RGSL1: variants seen among roughly 807,000 people sequenced by gnomAD.
The protein encoded by RGSL1 is regulator of G protein signaling like 1.
In RGSL1, 97 loss-of-function variants were observed where a neutral mutation model predicts 124.7. That is an observed-to-expected ratio of 0.78 (90% CI 0.66 to 0.92). The LOEUF (loss-of-function observed/expected upper bound fraction) is 0.92, where lower values mean the gene tolerates loss of function less well. RGSL1 is among the 40% of genes least tolerant of loss of function. RGSL1 has a pLI of 0.00. For missense variants in RGSL1, 1,233 were observed against 1,288.4 expected, an observed-to-expected ratio of 0.96 and a Z score of 0.66; for synonymous variants, 424 against 438.1, an observed-to-expected ratio of 0.97 and a Z score of 0.40.
At chr1:182,481,234 AATAAATAAAATT>A (rs1654683524) in intron 6 of RGSL1, among the ~76,000 whole-genome samples, 1 of 152,168 alleles carries the variant, frequency 6.6e-6, no homozygotes, top group Non-Finnish European at 1.5e-5. Context: ...AGAAGTTTCA[AATAAATAAAATT>A]ATAAATGAAA....
intron 14 of RGSL1, among the ~76,000 whole-genome samples, chr1:182,535,373 G>A (rs1049823303): frequency 3.3e-5 from 5 of 152,192 alleles, no homozygotes; most frequent in African/African-American, 9.7e-5. Context: ...CAGAGTGTGT[G>A]TGTGTTTGGT....
intron 9 of RGSL1, among the ~76,000 whole-genome samples, chr1:182,501,806 G>T (rs1287412032): frequency 6.6e-6 from 1 of 152,042 alleles, no homozygotes; most frequent in Non-Finnish European, 1.5e-5. Context: ...CAATATTTTG[G>T]CCGAGTTTAA....
intron 14 of RGSL1, among the ~76,000 whole-genome samples, chr1:182,536,318 T>C (rs1659535495): frequency 1.3e-5 from 2 of 152,170 alleles, no homozygotes; most frequent in African/African-American, 2.4e-5. Flanking sequence ...TATCTGAAAG[T>C]AGAAATGCTG....
At chr1:182,456,758 C>T (rs372064181) in intron 2 of RGSL1, among the ~76,000 whole-genome samples, 22 of 152,196 alleles carry the variant, frequency 1.4e-4, no homozygotes, top group Non-Finnish European at 2.5e-4. Context: ...TAAAGAGAGA[C>T]AGCAGTAGTA....
chr1:182,455,175 A>G (rs762306646), intron 2 of RGSL1, among the ~76,000 whole-genome samples: 1 of 152,224 alleles, frequency 6.6e-6, no homozygotes, highest in Non-Finnish European at 1.5e-5. Context: ...AGACAGAGAG[A>G]TCATCCCTAC....
At chr1:182,501,007 G>T (rs1656313606) in intron 9 of RGSL1, among the ~76,000 whole-genome samples, 1 of 151,988 alleles carries the variant, frequency 6.6e-6, no homozygotes, top group South Asian at 2.1e-4. Flanking sequence ...AAGTGCTCTG[G>T]CTAGAACTTC....
intron 9 of RGSL1, among the ~76,000 whole-genome samples, chr1:182,511,930 AT>A (rs1466023784): frequency 6.6e-6 from 1 of 151,552 alleles, no homozygotes; most frequent in Non-Finnish European, 1.5e-5. Context: ...GCGTTTTGTA[AT>A]TTTTCTTGTA....
chr1:182,556,311 A>G (rs914905509), intron 21 of RGSL1, 89 bp downstream of exon 21: 5 of 444,318 alleles, frequency 1.1e-5, no homozygotes, highest in African/African-American at 9.9e-5. Context: ...CTTGCTCCAC[A>G]TCTTCCTGGC....
intron 9 of RGSL1, among the ~76,000 whole-genome samples, chr1:182,509,489 G>T (rs1264073830): frequency 1.2e-4 from 9 of 76,914 alleles, no homozygotes; most frequent in South Asian, 4.4e-4. Context: ...CCAGGCGGGG[G>T]GCTGACCCCC....
At chr1:182,469,758 C>T (rs766655779) in intron 4 of RGSL1, among the ~76,000 whole-genome samples, 22 of 152,072 alleles carry the variant, frequency 1.4e-4, no homozygotes, top group Non-Finnish European at 1.3e-4. Flanking sequence ...TCCAAGAAAC[C>T]ATCAATGGAT....
At chr1:182,496,904 T>C (rs150418517) in intron 9 of RGSL1, among the ~76,000 whole-genome samples, 3 of 152,000 alleles carry the variant, frequency 2.0e-5, no homozygotes, top group East Asian at 3.9e-4. Flanking sequence ...TTTACTGATA[T>C]AGTGGACCCT....
intron 9 of RGSL1, among the ~76,000 whole-genome samples, chr1:182,502,154 T>A (rs1656436537): frequency 6.6e-6 from 1 of 152,220 alleles, no homozygotes; most frequent in African/African-American, 2.4e-5. Flanking sequence ...GTTTGCCAAT[T>A]TTGTTATCTT....
At chr1:182,514,824 T>A (rs979783562) in intron 9 of RGSL1, among the ~76,000 whole-genome samples, 6 of 152,198 alleles carry the variant, frequency 3.9e-5, no homozygotes, top group African/African-American at 9.7e-5. Flanking sequence ...CAATCCTTCA[T>A]AATTTGGTGA....
At chr1:182,518,617 A>C (rs1174419593) in intron 9 of RGSL1, among the ~76,000 whole-genome samples, 1 of 152,178 alleles carries the variant, frequency 6.6e-6, no homozygotes, top group Non-Finnish European at 1.5e-5. Flanking sequence ...AGAAAACCCA[A>C]GATGGTGGAG....
rs763808108 is a variant in RGSL1, at chr1:182,540,232, T to C, written c.2495-15T>C. 44 of 1,529,676 alleles carry C rather than the reference T, an allele frequency of 2.9e-5. No homozygotes were observed. In the African/African-American group the frequency reaches 4.6e-4, roughly 16 times the overall value. The allele number at this position is 1,529,676 out of a possible 1,614,324, so 94.8% of individuals were successfully genotyped here. A position where few individuals can be genotyped will look rare whatever the true frequency, so the allele number is the denominator to read the frequency against. ...GATCAAACAAAATTGTAATTCCTTCTTCTTTCTCTCTCAGATTTCACCACA... is the reference window on the plus strand; with the variant it reads ...GATCAAACAAAATTGTAATTCCTTCCTCTTTCTCTCTCAGATTTCACCACA... On this transcript the variant is annotated splice_polypyrimidine_tract_variant and intron_variant, in intron 14 of 21. Coordinates refer to ENST00000294854, the MANE Select transcript of RGSL1 (RefSeq NM_001137669.2).
intron 13 of RGSL1, among the ~76,000 whole-genome samples, chr1:182,531,963 C>A (rs1182553431): frequency 6.6e-6 from 1 of 152,156 alleles, no homozygotes; most frequent in Non-Finnish European, 1.5e-5. Context: ...GCTCCAGACT[C>A]AAAGTTTTTT....
At chr1:182,482,892 G>A (rs1179832222) in intron 6 of RGSL1, among the ~76,000 whole-genome samples, 1 of 152,162 alleles carries the variant, frequency 6.6e-6, no homozygotes, top group African/African-American at 2.4e-5. Context: ...AAAGGTGAAT[G>A]GATAAAGAAA....
intron 10 of RGSL1, among the ~76,000 whole-genome samples, chr1:182,522,973 T>TAG (rs1658459667): frequency 6.6e-6 from 1 of 152,158 alleles, no homozygotes. Flanking sequence ...CATTTGCTAG[T>TAG]CAAAATCTCT....
intron 9 of RGSL1, among the ~76,000 whole-genome samples, chr1:182,503,986 T>C (rs1656607261): frequency 6.9e-6 from 1 of 145,238 alleles, no homozygotes; most frequent in African/African-American, 2.5e-5. Flanking sequence ...TTTTTTTTTT[T>C]TTTTTTTTTT....
Sources: allele counts gnomAD v4.1 joint callset (sites outside exome capture counted in the v4.1 genomes callset), GRCh38; gene constraint gnomAD v4.1.1; transcripts MANE v1.5; gene names NCBI Gene and HGNC (gene_info 2026-07-23, HGNC 2026-07-21).